The following CTNND2 variants were observed in gnomAD, a reference collection of about 807,000 sequenced individuals.
CTNND2 encodes catenin delta-2.
In CTNND2, 22 loss-of-function variants were observed where a neutral mutation model predicts 144.4. The ratio of observed to expected loss-of-function variants is 0.15; its 90% CI spans 0.11 to 0.22. The LOEUF (loss-of-function observed/expected upper bound fraction) is 0.22. Among genes scored for constraint, CTNND2 ranks in the 10% least tolerant of loss-of-function variants. The pLI is 1.00. For missense variants in CTNND2, 1,353 were observed against 1,618.8 expected (o/e 0.84, Z 2.82); for synonymous variants, 751 against 695.6 (o/e 1.08, Z -1.25).
chr5:11,699,226 T>C (rs931377154), intron 2 of CTNND2, among the ~76,000 whole-genome samples: 1 of 152,108 alleles, frequency 6.6e-6, no homozygotes, highest in Non-Finnish European at 1.5e-5. Flanking sequence ...TTCAGAATCA[T>C]TGCCTGGTTG....
chr5:11,411,750 A>G lies in CTNND2; in HGVS notation c.323-98T>C, dbSNP rs565083240. The G allele has an allele frequency of 3.1e-4, 256 of 819,684 alleles. 3 individuals carry two copies. In the Middle Eastern group the frequency reaches 9.0e-3, roughly 29 times the overall value. 50.8% of individuals were successfully genotyped at this position (819,684 alleles called of 1,614,324 possible). On this transcript the variant is annotated intron_variant, in intron 4 of 21. Coordinates refer to ENST00000304623, the MANE Select transcript of CTNND2 (RefSeq NM_001332.4). The stretch of plus-strand genomic sequence containing the variant: ...ATCATGGAAAATATCCTAGTCAAAT[A>G]TATTACCTCTATGAAGTTTTCATTA...
intron 2 of CTNND2, among the ~76,000 whole-genome samples, chr5:11,578,669 GAATAAATAAATAAATAAATA>G (rs57654816): frequency 6.8e-6 from 1 of 146,006 alleles, no homozygotes; most frequent in Non-Finnish European, 1.5e-5. Flanking sequence ...ACAAATACAT[GAATAAATAAATAAATAAATA>G]AATAAATAAA....
chr5:11,038,901 A>T (rs1311824056), intron 16 of CTNND2, among the ~76,000 whole-genome samples: 1 of 152,186 alleles, frequency 6.6e-6, no homozygotes, highest in Non-Finnish European at 1.5e-5. Flanking sequence ...GAAAACTGCT[A>T]ACCAAACACC....
chr5:11,173,899 A>G (rs9312758), intron 11 of CTNND2, among the ~76,000 whole-genome samples: 19,096 of 152,190 alleles, frequency 0.13, 1,752 homozygotes, highest in African/African-American at 0.26. Flanking sequence ...TTTAAACACC[A>G]TTCTGGAGGC....
intron 2 of CTNND2, among the ~76,000 whole-genome samples, chr5:11,728,201 G>A (rs60974902): frequency 0.011 from 1,726 of 152,212 alleles, 26 homozygotes; most frequent in African/African-American, 0.04. Flanking sequence ...AGCTGGGCAC[G>A]GTGGCTCACG....
chr5:11,370,739 G>T (rs886084496), intron 7 of CTNND2, among the ~76,000 whole-genome samples: 1 of 152,070 alleles, frequency 6.6e-6, no homozygotes, highest in African/African-American at 2.4e-5. Context: ...TATGTAACTG[G>T]TGTCTTCAAA....
chr5:11,014,812 G>A (rs948492817), intron 18 of CTNND2, among the ~76,000 whole-genome samples: 7 of 152,096 alleles, frequency 4.6e-5, no homozygotes, highest in African/African-American at 9.7e-5. Context: ...TCTGTTCCAC[G>A]GACATGTAAC....
At chr5:11,751,791 C>T (rs1788637613) in intron 1 of CTNND2, among the ~76,000 whole-genome samples, 1 of 151,966 alleles carries the variant, frequency 6.6e-6, no homozygotes, top group Non-Finnish European at 1.5e-5. Flanking sequence ...AATCGCCACA[C>T]TGCTTACTAC....
Position 11,795,571 on chromosome 5 carries a change from C to T in CTNND2, c.38-63299G>A, listed in dbSNP as rs146659495. Among the ~76,000 whole-genome samples, 1,395 of 152,044 alleles carry T rather than the reference C, an allele frequency of 9.2e-3. 10 individuals carry two copies. The highest frequency in any genetic ancestry group is 0.019 in the South Asian group (93 of 4,808). ...ATTCCATCATCTTGGTTAAATGTAG[C>T]GTGGGAGGGATAGAAGGGGAAATGA... On this transcript the variant is annotated intron_variant, in intron 1 of 21. Transcript: ENST00000304623.
At chr5:11,718,719 C>T (rs1006477005) in intron 2 of CTNND2, among the ~76,000 whole-genome samples, 7 of 152,210 alleles carry the variant, frequency 4.6e-5, no homozygotes, top group Non-Finnish European at 7.4e-5. Context: ...AGCTTTGAAA[C>T]GCCTCCTGCA....
At chr5:11,823,307 C>T (rs1028735743) in intron 1 of CTNND2, among the ~76,000 whole-genome samples, 2 of 152,128 alleles carry the variant, frequency 1.3e-5, no homozygotes, top group African/African-American at 4.8e-5. Context: ...TTCCAATTAA[C>T]GAGTTTGTGG....
chr5:11,732,397 G>T, intron 1 of CTNND2, 125 bp from the exon 2 acceptor site: 2 of 823,784 alleles, frequency 2.4e-6, no homozygotes, highest in Non-Finnish European at 3.7e-6. Flanking sequence ...GAAAGACCAA[G>T]ACATAATTAT....
chr5:11,880,550 CACT>C (rs1437777751), intron 1 of CTNND2, among the ~76,000 whole-genome samples: 2 of 108,932 alleles, frequency 1.8e-5, no homozygotes, highest in Non-Finnish European at 3.8e-5. Flanking sequence ...CTACTACTAC[CACT>C]ACTACTGCTA....
At chr5:10,994,302 G>A (rs1349535600) in intron 18 of CTNND2, among the ~76,000 whole-genome samples, 1 of 53,332 alleles carries the variant, frequency 1.9e-5, no homozygotes, top group Non-Finnish European at 3.8e-5. Context: ...AGCGGGGGCG[G>A]GGACGGAGGA....
intron 12 of CTNND2, among the ~76,000 whole-genome samples, chr5:11,137,675 G>T (rs1049915147): frequency 2.0e-5 from 3 of 152,168 alleles, no homozygotes; most frequent in African/African-American, 7.2e-5. Flanking sequence ...TTGCAAACAT[G>T]CAAAACACAG....
At chr5:11,446,508 G>C (rs1764816136) in intron 3 of CTNND2, among the ~76,000 whole-genome samples, 1 of 152,168 alleles carries the variant, frequency 6.6e-6, no homozygotes, top group African/African-American at 2.4e-5. Context: ...ATTCCTCTGG[G>C]AGATGCCTTC....
intron 3 of CTNND2, among the ~76,000 whole-genome samples, chr5:11,455,017 T>C (rs1272720584): frequency 2.0e-5 from 3 of 151,936 alleles, no homozygotes; most frequent in Non-Finnish European, 4.4e-5. Context: ...TTTTTTTTTT[T>C]TGCAGTGTAA....
chr5:11,071,709 G>T (rs556214150), intron 16 of CTNND2, among the ~76,000 whole-genome samples: 48 of 152,074 alleles, frequency 3.2e-4, no homozygotes, highest in Non-Finnish European at 5.3e-4. Flanking sequence ...GACTGGGTAA[G>T]AAGGGGCAGA....
In CTNND2 at chr5:11,098,561, T is replaced by C; in HGVS notation, c.2637+14A>G. ...AACTCCAGATTTCTTTTTATTGTAATGAACTGGCCATACCTTCCAGCTCCC... is the reference window on the plus strand; with the variant it reads ...AACTCCAGATTTCTTTTTATTGTAACGAACTGGCCATACCTTCCAGCTCCC... On this transcript the variant is annotated intron_variant, in intron 15 of 21. Transcript: ENST00000304623. 6.2e-7 allele frequency: 1 copy of C among 1,605,190 alleles called. No individual in the cohort carries two copies. The highest frequency in any genetic ancestry group is 8.5e-7 in the Non-Finnish European group (1 of 1,176,576).
Sources: gnomAD v4.1 joint callset for allele counts (sites outside exome capture counted in the v4.1 genomes callset) on GRCh38, gnomAD v4.1.1 for gene constraint, MANE v1.5 for transcripts, NCBI Gene and HGNC (gene_info 2026-07-23, HGNC 2026-07-21) for gene names.